Variants in GALNT8 observed in about 807,000 individuals in gnomAD.
GALNT8 encodes the protein probable polypeptide N-acetylgalactosaminyltransferase 8.
A neutral mutation model predicts 62.7 loss-of-function variants in GALNT8; 66 were observed. That is an observed-to-expected ratio of 1.05 (90% CI 0.86 to 1.29). The LOEUF (loss-of-function observed/expected upper bound fraction) is 1.29, where lower values mean the gene tolerates loss of function less well. Ranked by LOEUF, GALNT8 falls within the 50% of genes most tolerant of loss-of-function variation. The pLI, the probability that GALNT8 is intolerant of heterozygous loss-of-function variation, is 0.00. For synonymous variants in GALNT8, 288 were observed against 294.3 expected, an observed-to-expected ratio of 0.98 and a Z score of 0.22; for missense variants, 771 against 791.8, an observed-to-expected ratio of 0.97 and a Z score of 0.32.
chr12:4,751,935 T>C (rs1236803694), intron 6 of GALNT8, among the ~76,000 whole-genome samples: 2 of 152,178 alleles, frequency 1.3e-5, no homozygotes, highest in African/African-American at 4.8e-5. Flanking sequence ...GATGCTCCAG[T>C]GTTGGGTGCA....
intron 6 of GALNT8, among the ~76,000 whole-genome samples, chr12:4,760,273 T>C (rs1946365457): frequency 6.6e-6 from 1 of 152,216 alleles, no homozygotes; most frequent in African/African-American, 2.4e-5. Context: ...GCATTCAGTT[T>C]TATGCTGGGT....
At chr12:4,753,266 C>T (rs1477896959) in intron 6 of GALNT8, among the ~76,000 whole-genome samples, 1 of 152,050 alleles carries the variant, frequency 6.6e-6, no homozygotes. Flanking sequence ...ACCCCTATCT[C>T]TTTCTCTACC....
Position 4,772,517 on chromosome 12 carries a change from C to T in GALNT8, c.1834C>T (p.Leu612Phe). Residue 612 changes from leucine (L) to phenylalanine (F), a missense_variant, in exon 11 of 11, where the codon CTT becomes TTT. By Grantham distance (22) the Leu-to-Phe change is conservative (BLOSUM62 0). Coordinates refer to ENST00000252318, the MANE Select transcript of GALNT8 (RefSeq NM_017417.2). ...MKKDLLGSHV[L>F]VLQTCSTQVW... ...GAAGGATCTTTTGGGTAGCCACGTG[C>T]TTGTGCTCCAGACCTGTAGCACGCA... The T allele has an allele frequency of 1.2e-6, 2 of 1,613,634 alleles. No individual in the cohort carries two copies. Among genetic ancestry groups the T allele is most frequent in the Non-Finnish European group, 1.7e-6 (2 of 1,179,538 alleles).
At chr12:4,722,607 C>T (rs1946175979) in intron 1 of GALNT8, among the ~76,000 whole-genome samples, 1 of 152,188 alleles carries the variant, frequency 6.6e-6, no homozygotes, top group Non-Finnish European at 1.5e-5. Context: ...TGTGCCTGTG[C>T]ATCCAACTTC....
intron 2 of GALNT8, among the ~76,000 whole-genome samples, chr12:4,733,599 C>G (rs1247809019): frequency 6.6e-6 from 1 of 152,218 alleles, no homozygotes; most frequent in African/African-American, 2.4e-5. Context: ...TTCTTACTCA[C>G]AATTAAATAC....
chr12:4,724,423 C>T (rs1270109598), intron 1 of GALNT8, among the ~76,000 whole-genome samples: 1 of 152,130 alleles, frequency 6.6e-6, no homozygotes, highest in Non-Finnish European at 1.5e-5. Flanking sequence ...CCGGATTGTG[C>T]ATTTCCTCAA....
chr12:4,762,540 TG>T (rs1221249416), intron 7 of GALNT8, among the ~76,000 whole-genome samples: 1 of 152,230 alleles, frequency 6.6e-6, no homozygotes, highest in African/African-American at 2.4e-5. Flanking sequence ...GTTTTATTGA[TG>T]TAAATATCAT....
chr12:4,742,434 T>C (rs1946276109), intron 3 of GALNT8, among the ~76,000 whole-genome samples: 1 of 152,238 alleles, frequency 6.6e-6, no homozygotes, highest in African/African-American at 2.4e-5. Flanking sequence ...AATCAACAAC[T>C]ACATGTTGAG....
chr12:4,735,015 G>T (rs1344160005), intron 2 of GALNT8, among the ~76,000 whole-genome samples: 2 of 152,216 alleles, frequency 1.3e-5, no homozygotes, highest in African/African-American at 4.8e-5. Context: ...CCTGGCCCTG[G>T]ACAGAGCAGG....
chr12:4,735,487 C>T (rs1025203475), intron 2 of GALNT8, among the ~76,000 whole-genome samples: 2 of 152,160 alleles, frequency 1.3e-5, no homozygotes, highest in Admixed American at 6.5e-5. Context: ...CCAGGAAGGG[C>T]AGGCCACCCA....
chr12:4,733,136 G>T (rs144781173), intron 2 of GALNT8, among the ~76,000 whole-genome samples: 4,605 of 152,306 alleles, frequency 0.03, 104 homozygotes, highest in Non-Finnish European at 0.043. Context: ...CTACTTAAAT[G>T]TAAATTAATT....
Position 4,720,430 on chromosome 12 carries a change from G to C in GALNT8, c.-248G>C. Reference sequence around the variant, plus strand: ...CTCCCTGAGCAACCTGTGGAAAGCCGCTGAGCAACCTGTGGAAAGCCGCTG... The same window carrying C: ...CTCCCTGAGCAACCTGTGGAAAGCCCCTGAGCAACCTGTGGAAAGCCGCTG... On this transcript the variant is annotated 5_prime_UTR_variant, in exon 1 of 11. Coordinates refer to ENST00000252318, the MANE Select transcript of GALNT8 (RefSeq NM_017417.2). 1 of 510,294 alleles carries C rather than the reference G, an allele frequency of 2.0e-6. No homozygotes were observed. Among genetic ancestry groups the C allele is most frequent in the Admixed American group, 3.2e-5 (1 of 30,984 alleles). The allele number at this position is 510,294 out of a possible 1,614,324, so 31.6% of individuals were successfully genotyped here. A position where few individuals can be genotyped will look rare whatever the true frequency, so the allele number is the denominator to read the frequency against.
At chr12:4,770,631 T>C (rs1276372232) in intron 10 of GALNT8, among the ~76,000 whole-genome samples, 3 of 152,210 alleles carry the variant, frequency 2.0e-5, no homozygotes, top group Non-Finnish European at 4.4e-5. Context: ...ATGAGAAGTG[T>C]GATCACTAGC....
At chr12:4,723,738 AG>A in intron 1 of GALNT8, among the ~76,000 whole-genome samples, 1 of 147,564 alleles carries the variant, frequency 6.8e-6, no homozygotes, top group Non-Finnish European at 1.5e-5. Flanking sequence ...CCCTGTTTCT[AG>A]ATCACCAATG....
At chr12:4,742,896 G>T (rs543353184) in intron 3 of GALNT8, among the ~76,000 whole-genome samples, 1 of 152,146 alleles carries the variant, frequency 6.6e-6, no homozygotes, top group African/African-American at 2.4e-5. Context: ...CCGTCGAGGC[G>T]TCCTTAATCT....
intron 2 of GALNT8, among the ~76,000 whole-genome samples, chr12:4,731,063 C>T (rs543245799): frequency 1.9e-4 from 29 of 151,900 alleles, no homozygotes; most frequent in Admixed American, 1.4e-3. Context: ...GTCTCTATCT[C>T]CTGACCTTGT....
rs1450312435 is a variant in GALNT8 at position 4,760,953 on chromosome 12, T to G, written c.1174-5T>G. 1 of 1,612,954 alleles carries G rather than the reference T, an allele frequency of 6.2e-7. No individual in the cohort carries two copies. Among genetic ancestry groups the G allele is most frequent in the South Asian group, 1.1e-5 (1 of 90,938 alleles). ...CACGGGTGATTTTTTGGTCTTCTTC[T>G]GCAGGTGTGGCAGTGTGGAGGGAAG... On this transcript the variant is annotated splice_polypyrimidine_tract_variant and splice_region_variant and intron_variant, in intron 6 of 10. Transcript: ENST00000252318.
intron 2 of GALNT8, among the ~76,000 whole-genome samples, chr12:4,734,314 C>T (rs1337173762): frequency 1.3e-5 from 2 of 152,158 alleles, no homozygotes; most frequent in East Asian, 3.8e-4. Context: ...ACTGTACCAC[C>T]CTCTTACAGC....
At chr12:4,763,617 C>G (rs1035279199) in intron 8 of GALNT8, among the ~76,000 whole-genome samples, 2 of 152,082 alleles carry the variant, frequency 1.3e-5, no homozygotes, top group African/African-American at 2.4e-5. Context: ...TAGCTCTTGC[C>G]TGGACTCCCC....
Sources: allele counts gnomAD v4.1 joint callset (sites outside exome capture counted in the v4.1 genomes callset), GRCh38; gene constraint gnomAD v4.1.1; transcripts MANE v1.5; gene names NCBI Gene and HGNC (gene_info 2026-07-23, HGNC 2026-07-21).